DIPK1B: variants seen among roughly 807,000 people sequenced by gnomAD.
DIPK1B encodes the protein divergent protein kinase domain 1B.
In DIPK1B, 17 loss-of-function variants were observed where a neutral mutation model predicts 20.7. The observed-to-expected ratio is 0.82, with a 90% CI of 0.56 to 1.23. DIPK1B has a LOEUF of 1.23. Ranked by LOEUF, DIPK1B falls within the 50% of genes most tolerant of loss-of-function variation. The pLI, the probability that DIPK1B is intolerant of heterozygous loss-of-function variation, is 0.00. For missense variants in DIPK1B, 648 were observed against 601.8 expected, an observed-to-expected ratio of 1.08 and a Z score of -0.80; for synonymous variants, 343 against 276.5, an observed-to-expected ratio of 1.24 and a Z score of -2.39.
intron 4 of DIPK1B, 187 bp from the exon 5 acceptor site, chr9:136,722,775 G>A: frequency 3.1e-6 from 2 of 636,358 alleles, no homozygotes; most frequent in Non-Finnish European, 5.2e-6. Context: ...ACACAGGCCA[G>A]CAGAGTGAGC....
Position 136,716,946 on chromosome 9 carries a change from C to T in DIPK1B, c.64-631C>T, listed in dbSNP as rs188374276. Among the ~76,000 whole-genome samples the T allele has an allele frequency of 2.9e-3, 435 of 152,136 alleles. 5 individuals carry two copies. The highest frequency in any genetic ancestry group is 0.01 in the African/African-American group (416 of 41,522). On this transcript the variant is annotated intron_variant, in intron 1 of 4. Coordinates refer to ENST00000371692, the MANE Select transcript of DIPK1B (RefSeq NM_152421.4). ...AAGGGTTTGTAAAAATATCTTCATT[C>T]GGCCAGGCACAGTGGCTCACACCTG...
chr9:136,716,146 GAC>G, intron 1 of DIPK1B, among the ~76,000 whole-genome samples: 1 of 151,958 alleles, frequency 6.6e-6, no homozygotes, highest in Non-Finnish European at 1.5e-5. Context: ...TCCTTCTCAG[GAC>G]ACAGTCACTC....
intron 2 of DIPK1B, among the ~76,000 whole-genome samples, chr9:136,718,811 T>C (rs1287071471): frequency 6.6e-6 from 1 of 152,180 alleles, no homozygotes; most frequent in Non-Finnish European, 1.5e-5. Flanking sequence ...GGCAGGCCTG[T>C]GTCCCACAGA....
chr9:136,717,295 A>G (rs1479556730), intron 1 of DIPK1B, among the ~76,000 whole-genome samples: 3 of 151,736 alleles, frequency 2.0e-5, no homozygotes, highest in Non-Finnish European at 4.4e-5. Context: ...CCTGGTTTTG[A>G]CATTTATTTG....
rs966719441 is a variant in DIPK1B at position 136,723,170 on chromosome 9, C to G, written c.692C>G (p.Thr231Ser). 3 of 1,613,072 alleles carry G rather than the reference C, an allele frequency of 1.9e-6. No individual in the cohort carries two copies. The highest frequency in any genetic ancestry group is 2.5e-6 in the Non-Finnish European group (3 of 1,179,946). Reference sequence around the variant, plus strand: ...GGCTACTGTGGGGACCTCTACCTCACCGAGGGCGTGCCGCATGGCGCCTGG... The same window carrying G: ...GGCTACTGTGGGGACCTCTACCTCAGCGAGGGCGTGCCGCATGGCGCCTGG... ...LLGYCGDLYLTEGVPHGAWHA... is the reference protein window; with the variant it reads ...LLGYCGDLYLSEGVPHGAWHA... The change falls in exon 5 of 5, where the codon ACC becomes AGC. Residue 231 changes from threonine (T) to serine (S), a missense_variant. Physicochemically the swap from Thr to Ser is moderately conservative, Grantham distance 58 (BLOSUM62 1). Transcript: ENST00000371692.
intron 1 of DIPK1B, among the ~76,000 whole-genome samples, chr9:136,715,986 C>T (rs1002334769): frequency 2.0e-5 from 3 of 152,136 alleles, no homozygotes; most frequent in African/African-American, 7.2e-5. Flanking sequence ...CCCGCGGCTC[C>T]CTCTACTCTC....
intron 1 of DIPK1B, among the ~76,000 whole-genome samples, chr9:136,716,327 G>A (rs904594969): frequency 4.7e-5 from 7 of 148,444 alleles, no homozygotes; most frequent in African/African-American, 1.0e-4. Flanking sequence ...GGAGTGTAGC[G>A]TGGGGTCACA....
chr9:136,717,712 G>C lies in DIPK1B; in HGVS notation c.198+1G>C. 6.2e-7 allele frequency: 1 copy of C among 1,611,162 alleles called. No homozygotes were observed. The highest frequency in any genetic ancestry group is 8.5e-7 in the Non-Finnish European group (1 of 1,179,922). On this transcript the variant is annotated splice_donor_variant, in intron 2 of 4. Transcript: ENST00000371692. LOFTEE classifies it high-confidence loss of function. ...CGGCCATGTCTGCCAGGTGGTCATT[G>C]TAAGTGTTGCTTGTGCGGGCTGGGG...
chr9:136,723,074 CCCTGCTGCAGCGTAACGAGTT>C lies in DIPK1B; in HGVS notation c.605_625del (p.Gln202_Leu208del). 1 of 1,613,604 alleles carries C rather than the reference CCCTGCTGCAGCGTAACGAGTT, an allele frequency of 6.2e-7. No homozygotes were observed. The highest frequency in any genetic ancestry group is 1.3e-5 in the African/African-American group (1 of 75,068). On this transcript the variant is annotated inframe_deletion, in exon 5 of 5. Coordinates refer to ENST00000371692, the MANE Select transcript of DIPK1B (RefSeq NM_152421.4). ...CTGGCGGAAGCCAAGTCCGTGTGGGCCCTGCTGCAGCGTAACGAGTTCCTGCTGCTGCTGTCCCTGCAGGAG... is the reference window on the plus strand; with the variant it reads ...CTGGCGGAAGCCAAGTCCGTGTGGGCCCTGCTGCTGCTGTCCCTGCAGGAG...
chr9:136,723,591 ACTGCTACGGGGCTAC>A lies in DIPK1B; in HGVS notation c.1119_1133del (p.Arg374_Leu378del). ...AGCCCAACCTGGCCAAGGTGTGCGC[ACTGCTACGGGGCTAC>A]CTGCTGCCTGGCGCGCCCGCCGACC... On this transcript the variant is annotated inframe_deletion, in exon 5 of 5. Transcript: ENST00000371692. 1 of 1,594,448 alleles carries A rather than the reference ACTGCTACGGGGCTAC, an allele frequency of 6.3e-7. No individual in the cohort carries two copies. The highest frequency in any genetic ancestry group is 1.1e-5 in the South Asian group (1 of 88,534).
Position 136,722,143 on chromosome 9 carries a change from C to T in DIPK1B, c.325C>T (p.Arg109Trp), listed in dbSNP as rs769310193. 11 of 1,613,788 alleles carry T rather than the reference C, an allele frequency of 6.8e-6. No individual in the cohort carries two copies. The highest frequency in any genetic ancestry group is 3.3e-4 in the Middle Eastern group (2 of 6,084). The change falls in exon 4 of 5, where the codon CGG (arginine) becomes TGG (tryptophan). Residue 109 changes from arginine to tryptophan, a missense_variant. By Grantham distance (101) the Arg-to-Trp change is moderately radical. Transcript: ENST00000371692. ...TGTCCAGGTGTACAGCGGGCTCTGG[C>T]GGGACAAGGATGTAACCATCAAGTG... is the stretch of plus-strand genomic sequence containing the variant. ...PGQQVYSGLW[R>W]DKDVTIKCGI...
chr9:136,722,793 T>G, intron 4 of DIPK1B, 169 bp from the exon 5 acceptor site: 1 of 675,018 alleles, frequency 1.5e-6, no homozygotes, highest in Non-Finnish European at 2.5e-6. Flanking sequence ...AGCTGACACA[T>G]TGCTGGCTGC....
chr9:136,723,589 G>C lies in DIPK1B; in HGVS notation c.1111G>C (p.Ala371Pro), dbSNP rs145906422. The change falls in exon 5 of 5, where the codon GCA (alanine) becomes CCA (proline). Residue 371 changes from alanine to proline, a missense_variant. Coordinates refer to ENST00000371692, the MANE Select transcript of DIPK1B (RefSeq NM_152421.4). ...CCAGCCCAACCTGGCCAAGGTGTGCGCACTGCTACGGGGCTACCTGCTGCC... is the reference window on the plus strand; with the variant it reads ...CCAGCCCAACCTGGCCAAGGTGTGCCCACTGCTACGGGGCTACCTGCTGCC... ...LIQPNLAKVC[A>P]LLRGYLLPGA... is the part of the protein sequence containing the mutation. The C allele has an allele frequency of 1.3e-6, 2 of 1,594,646 alleles. No individual in the cohort carries two copies. The highest frequency in any genetic ancestry group is 1.7e-6 in the Non-Finnish European group (2 of 1,171,382).
At chr9:136,714,995 C>T (rs1204769908) in intron 1 of DIPK1B, among the ~76,000 whole-genome samples, 2 of 152,274 alleles carry the variant, frequency 1.3e-5, no homozygotes, top group African/African-American at 4.8e-5. Context: ...GTCCCCTGCT[C>T]ACGGCCTAAG....
At chr9:136,714,021 G>A (rs908416832) in intron 1 of DIPK1B, among the ~76,000 whole-genome samples, 1 of 152,216 alleles carries the variant, frequency 6.6e-6, no homozygotes, top group African/African-American at 2.4e-5. Context: ...CCAGGTCCTG[G>A]ATGGTGGGGC....
chr9:136,714,671 A>G (rs1002729026), intron 1 of DIPK1B, among the ~76,000 whole-genome samples: 1 of 152,232 alleles, frequency 6.6e-6, no homozygotes, highest in Non-Finnish European at 1.5e-5. Context: ...GTCTGCCGGA[A>G]ACAGATTCAG....
rs1368382780 is a variant in DIPK1B, at chr9:136,722,155, G to A, written c.337G>A (p.Val113Ile). ...VYSGLWRDKD[V>I]TIKCGIEETL... ...CAGCGGGCTCTGGCGGGACAAGGAT[G>A]TAACCATCAAGTGTGGCATTGAGGA... Residue 113 changes from valine (V) to isoleucine (I), a missense_variant, in exon 4 of 5, where the codon GTA becomes ATA. Transcript: ENST00000371692. The A allele has an allele frequency of 2.5e-6, 4 of 1,613,946 alleles. No individual in the cohort carries two copies. The highest frequency in any genetic ancestry group is 1.3e-5 in the African/African-American group (1 of 74,940).
Position 136,721,921 on chromosome 9 carries a change from T to G in DIPK1B, c.199T>G (p.Cys67Gly), listed in dbSNP as rs1314020996. 1.2e-6 allele frequency: 2 copies of G among 1,612,922 alleles called. No individual in the cohort carries two copies. Among genetic ancestry groups the G allele is most frequent in the South Asian group, 2.2e-5 (2 of 91,038 alleles). Residue 67 changes from cysteine (C) to glycine (G), a missense_variant and splice_region_variant, in exon 3 of 5, where the codon TGT becomes GGT. Transcript: ENST00000371692. The part of the protein sequence containing the change: ...CRGHVCQVVI[C>G]DQYRKGIISG... Reference sequence around the variant, plus strand: ...GGCACGCCTGCACCTGTCTCCTCAGTGTGACCAGTACCGCAAGGGGATCAT... The same window carrying G: ...GGCACGCCTGCACCTGTCTCCTCAGGGTGACCAGTACCGCAAGGGGATCAT...
At position 136,723,204 on chromosome 9, in the gene DIPK1B, C is replaced by T. The variant is rs61741542; in HGVS notation, c.726C>T (p.Ala242=). Residue 242 remains alanine (A), a synonymous_variant, in exon 5 of 5, where the codon GCC becomes GCT. Coordinates refer to ENST00000371692, the MANE Select transcript of DIPK1B (RefSeq NM_152421.4). Reference sequence around the variant, plus strand: ...TGCCGCATGGCGCCTGGCACGCGGCCGCCCTTCCACCCCTGTTGCGCCCAC... The same window carrying T: ...TGCCGCATGGCGCCTGGCACGCGGCTGCCCTTCCACCCCTGTTGCGCCCAC... ...EGVPHGAWHA[A]ALPPLLRPLL... 3.8e-3 allele frequency: 6,186 copies of T among 1,612,430 alleles called. 204 individuals carry two copies. In the African/African-American group the frequency reaches 0.07, roughly 18 times the overall value.
Sources: gnomAD v4.1 joint callset for allele counts (sites outside exome capture counted in the v4.1 genomes callset) on GRCh38, gnomAD v4.1.1 for gene constraint, MANE v1.5 for transcripts, NCBI Gene and HGNC (gene_info 2026-07-23, HGNC 2026-07-21) for gene names.